ELAPOR1: variants seen among roughly 807,000 people sequenced by gnomAD.
ELAPOR1 encodes endosome/lysosome-associated apoptosis and autophagy regulator 1.
A neutral mutation model predicts 119.7 loss-of-function variants in ELAPOR1; 77 were observed. The observed-to-expected ratio is 0.64, with a 90% CI of 0.54 to 0.78. ELAPOR1 has a LOEUF of 0.78. ELAPOR1 is among the 30% of genes least tolerant of loss of function. The pLI is 0.00. For synonymous variants in ELAPOR1, 481 were observed against 487.2 expected (o/e 0.99, Z 0.17); for missense variants, 1,115 against 1,270.4 (o/e 0.88, Z 1.86).
At chr1:109,178,526 C>G (rs886943955) in intron 7 of ELAPOR1, among the ~76,000 whole-genome samples, 1 of 152,192 alleles carries the variant, frequency 6.6e-6, no homozygotes, top group Admixed American at 6.5e-5. Flanking sequence ...TTCTGAGTAC[C>G]TGCCAGTTGC....
chr1:109,164,631 G>A lies in ELAPOR1; in HGVS notation c.407G>A (p.Ser136Asn). Residue 136 changes from serine to asparagine, a missense_variant, in exon 3 of 22, where the codon AGC becomes AAC. By Grantham distance (46) the Ser-to-Asn change is conservative. Transcript: ENST00000369939. Reference protein sequence around the residue: ...EWDELPHGFASLSANMELDDS... With the variant: ...EWDELPHGFANLSANMELDDS... ...GATGAGCTGCCCCATGGCTTTGCCA[G>A]CCTCTCAGCCAACATGGAGCTGGAT... The A allele has an allele frequency of 1.2e-6, 2 of 1,614,252 alleles. No homozygotes were observed. Among genetic ancestry groups the A allele is most frequent in the Non-Finnish European group, 1.7e-6 (2 of 1,180,036 alleles).
In ELAPOR1 at chr1:109,171,941, C is replaced by T. The variant is rs1230247366; in HGVS notation, c.543C>T (p.Val181=). ...GCACAGCCACACTGATGTACGCCGTCAACCTGAAGCAATCTGGCACCGTTA... is the reference window on the plus strand; with the variant it reads ...GCACAGCCACACTGATGTACGCCGTTAACCTGAAGCAATCTGGCACCGTTA... ...DECTATLMYA[V]NLKQSGTVNF... Residue 181 remains valine (V), a synonymous_variant, in exon 4 of 22, where the codon GTC becomes GTT. Transcript: ENST00000369939. The T allele has an allele frequency of 1.2e-6, 2 of 1,614,212 alleles. No individual in the cohort carries two copies. Among genetic ancestry groups the T allele is most frequent in the Non-Finnish European group, 1.7e-6 (2 of 1,180,016 alleles).
intron 1 of ELAPOR1, among the ~76,000 whole-genome samples, chr1:109,147,168 A>T (rs1486973995): frequency 3.3e-5 from 5 of 151,564 alleles, no homozygotes; most frequent in Non-Finnish European, 7.4e-5. Flanking sequence ...TGCCCACCTC[A>T]GCCTCCCAAA....
In ELAPOR1 at chr1:109,198,616, A is replaced by G. The variant is rs770470796; in HGVS notation, c.2443A>G (p.Thr815Ala). ...TQSCSSGRST[T>A]IRVRCSPQKT... ...GTCCTGCAGTTCTGGGAGATCAACC[A>G]CCATCCGCGTCAGGTGCAGTCCACA... Residue 815 changes from threonine to alanine, a missense_variant, in exon 18 of 22, where the codon ACC becomes GCC. Physicochemically the swap from Thr to Ala is moderately conservative, Grantham distance 58. Transcript: ENST00000369939. The G allele has an allele frequency of 3.1e-6, 5 of 1,613,988 alleles. No homozygotes were observed. The highest frequency in any genetic ancestry group is 1.6e-4 in the Middle Eastern group (1 of 6,062).
At chr1:109,141,353 C>T (rs959514884) in intron 1 of ELAPOR1, among the ~76,000 whole-genome samples, 2 of 152,036 alleles carry the variant, frequency 1.3e-5, no homozygotes, top group Non-Finnish European at 2.9e-5. Context: ...CTCTGCCTCT[C>T]GAGGTTCACA....
chr1:109,197,439 T>C, intron 15 of ELAPOR1, 35 bp from the exon 16 acceptor site: 1 of 1,597,258 alleles, frequency 6.3e-7, no homozygotes, highest in South Asian at 1.1e-5. Flanking sequence ...GACCACTCAC[T>C]TCTTCCTACT....
intron 7 of ELAPOR1, among the ~76,000 whole-genome samples, chr1:109,174,412 CTA>C (rs1652117603): frequency 7.8e-5 from 1 of 12,896 alleles, no homozygotes; most frequent in African/African-American, 1.7e-4. Context: ...GACCCTGTCT[CTA>C]AAAAAAAAAA....
intron 1 of ELAPOR1, among the ~76,000 whole-genome samples, chr1:109,123,771 C>T (rs1305099805): frequency 1.3e-5 from 2 of 152,192 alleles, no homozygotes; most frequent in Non-Finnish European, 2.9e-5. Flanking sequence ...TACTTATAGA[C>T]TTTCTAGACC....
At chr1:109,184,640 A>G (rs933499931) in intron 7 of ELAPOR1, among the ~76,000 whole-genome samples, 3 of 152,220 alleles carry the variant, frequency 2.0e-5, no homozygotes, top group African/African-American at 7.2e-5. Flanking sequence ...TCAAGACACT[A>G]AGGCACCTGG....
intron 7 of ELAPOR1, among the ~76,000 whole-genome samples, chr1:109,176,896 A>C (rs950160224): frequency 6.9e-6 from 1 of 145,724 alleles, no homozygotes; most frequent in Non-Finnish European, 1.5e-5. Context: ...GATACAGCAC[A>C]TGTTTCAGAG....
intron 3 of ELAPOR1, among the ~76,000 whole-genome samples, chr1:109,171,253 G>A (rs1651903951): frequency 6.6e-6 from 1 of 152,046 alleles, no homozygotes; most frequent in African/African-American, 2.4e-5. Context: ...ACCAATAAAT[G>A]TTACCCCTCC....
At chr1:109,133,155 G>A (rs1185053320) in intron 1 of ELAPOR1, among the ~76,000 whole-genome samples, 3 of 152,106 alleles carry the variant, frequency 2.0e-5, no homozygotes, top group Non-Finnish European at 4.4e-5. Context: ...CCTTGAGCCT[G>A]GGAGGTTGAG....
At chr1:109,144,049 A>ATTTT (rs1650001010) in intron 1 of ELAPOR1, among the ~76,000 whole-genome samples, 4 of 44,838 alleles carry the variant, frequency 8.9e-5, no homozygotes, top group African/African-American at 2.1e-4. Context: ...ATATATATAT[A>ATTTT]TATATTTATA....
chr1:109,119,150 G>A (rs1277134794), intron 1 of ELAPOR1, among the ~76,000 whole-genome samples: 1 of 151,730 alleles, frequency 6.6e-6, no homozygotes, highest in Non-Finnish European at 1.5e-5. Flanking sequence ...GCCCGCCTCG[G>A]CCTCCCAAAG....
chr1:109,161,780 G>A, intron 1 of ELAPOR1, 114 bp from the exon 2 acceptor site: 1 of 1,319,764 alleles, frequency 7.6e-7, no homozygotes, highest in Non-Finnish European at 1.1e-6. Flanking sequence ...GGGTCCCAGG[G>A]CCCATTTCTG....
At chr1:109,186,648 C>T (rs1168813834) in intron 8 of ELAPOR1, 7 of 985,378 alleles carry the variant, frequency 7.1e-6, no homozygotes, top group Non-Finnish European at 4.8e-6. Flanking sequence ...TTCTGTATGA[C>T]CTTGTGAACA....
At chr1:109,176,882 A>C (rs1417089332) in intron 7 of ELAPOR1, among the ~76,000 whole-genome samples, 4 of 145,162 alleles carry the variant, frequency 2.8e-5, no homozygotes, top group Non-Finnish European at 6.0e-5. Flanking sequence ...TTCAACCCTG[A>C]GTGGATACAG....
chr1:109,137,047 G>C (rs539536742), intron 1 of ELAPOR1, among the ~76,000 whole-genome samples: 1 of 152,194 alleles, frequency 6.6e-6, no homozygotes, highest in South Asian at 2.1e-4. Flanking sequence ...TGGTGAGTTT[G>C]AGGGGTGAAG....
chr1:109,174,341 AG>A (rs1652110555), intron 7 of ELAPOR1, among the ~76,000 whole-genome samples: 1 of 129,536 alleles, frequency 7.7e-6, no homozygotes, highest in Non-Finnish European at 1.6e-5. Context: ...TGGGCCTAGG[AG>A]GTTGAAGCTT....
Sources: gnomAD v4.1 joint callset for allele counts (sites outside exome capture counted in the v4.1 genomes callset) on GRCh38, gnomAD v4.1.1 for gene constraint, MANE v1.5 for transcripts, NCBI Gene and HGNC (gene_info 2026-07-23, HGNC 2026-07-21) for gene names.